GRIPAP1: variants seen among roughly 807,000 people sequenced by gnomAD.
The protein encoded by GRIPAP1 is GRIP1 associated protein 1.
A neutral mutation model predicts 84.1 loss-of-function variants in GRIPAP1; 14 were observed. The ratio of observed to expected loss-of-function variants is 0.17; its 90% CI spans 0.11 to 0.26. The LOEUF is 0.26. Ranked by LOEUF, GRIPAP1 falls within the 10% of genes least tolerant of loss-of-function variation. The pLI, the probability that GRIPAP1 is intolerant of heterozygous loss-of-function variation, is 1.00. For synonymous variants in GRIPAP1, 261 were observed against 256.8 expected, an observed-to-expected ratio of 1.02 and a Z score of -0.15; for missense variants, 518 against 674.2, an observed-to-expected ratio of 0.77 and a Z score of 2.57.
chrX:48,983,925 G>A (rs2064472278), intron 14 of GRIPAP1, 55 bp from the exon 15 acceptor site: 2 of 721,064 alleles, frequency 2.8e-6, no homozygotes, highest in East Asian at 3.2e-5. Flanking sequence ...GTAGGTGCTA[G>A]TCACCCAGGA....
chrX:48,982,214 T>C (rs1173685406), intron 17 of GRIPAP1, among the ~76,000 whole-genome samples: 1 of 112,141 alleles, frequency 8.9e-6, no homozygotes, highest in Non-Finnish European at 1.9e-5. Context: ...TTACCATTGA[T>C]GAAAACAGGC....
intron 13 of GRIPAP1, among the ~76,000 whole-genome samples, chrX:48,986,851 GTTTT>G (rs1188344950): frequency 9.2e-6 from 1 of 108,155 alleles, no homozygotes; most frequent in African/African-American, 3.4e-5. Flanking sequence ...TTTTCGTTTT[GTTTT>G]TTGTTTTTTT....
At chrX:48,978,541 A>C (rs1330840962) in intron 21 of GRIPAP1, 106 bp from the exon 22 acceptor site, 2 of 718,329 alleles carry the variant, frequency 2.8e-6, no homozygotes, top group Admixed American at 8.2e-5. Flanking sequence ...GGAAAGAGAG[A>C]CACCTGGGCA....
At chrX:48,998,510 G>A (rs2064559784) in intron 3 of GRIPAP1, among the ~76,000 whole-genome samples, 1 of 111,268 alleles carries the variant, frequency 9.0e-6, no homozygotes, top group African/African-American at 3.3e-5. Flanking sequence ...TGGATCTCCA[G>A]ACTCAGAAAC....
chrX:48,982,414 T>A (rs782431020), intron 17 of GRIPAP1, among the ~76,000 whole-genome samples: 51 of 112,722 alleles, frequency 4.5e-4, no homozygotes, highest in Non-Finnish European at 8.6e-4. Flanking sequence ...TCTCACTCCG[T>A]CACCCAGGCT....
In GRIPAP1 at chrX:48,990,747, G is replaced by A. The variant is rs1602475453; in HGVS notation, c.643-15C>T. ...TGCTTTGAGCTCTGCAGGGAAGGAT[G>A]AGGGATGGGAGGGTTGTTGTTAGCA... On this transcript the variant is annotated splice_polypyrimidine_tract_variant and intron_variant, in intron 7 of 25. Transcript: ENST00000376423. 1 of 1,189,851 alleles carries A rather than the reference G, an allele frequency of 8.4e-7. No homozygotes were observed. The highest frequency in any genetic ancestry group is 1.1e-6 in the Non-Finnish European group (1 of 878,519).
chrX:48,985,507 G>T, intron 13 of GRIPAP1, 105 bp from the exon 14 acceptor site: 1 of 643,400 alleles, frequency 1.6e-6, no homozygotes, highest in Non-Finnish European at 2.5e-6. Flanking sequence ...GAGGTGGGAA[G>T]AGAACCAGGA....
chrX:48,974,134 C>T lies in GRIPAP1; in HGVS notation c.*59G>A. ...CAGCCCTCATTTTTCCACCACAGCCCAAGGGAATAGCATCCTAGGGGGTAG... is the reference window on the plus strand; with the variant it reads ...CAGCCCTCATTTTTCCACCACAGCCTAAGGGAATAGCATCCTAGGGGGTAG... On this transcript the variant is annotated 3_prime_UTR_variant, in exon 26 of 26. Transcript: ENST00000376423. 1.2e-6 allele frequency: 1 copy of T among 817,461 alleles called. No homozygotes were observed. Among genetic ancestry groups the T allele is most frequent in the Non-Finnish European group, 1.8e-6 (1 of 550,202 alleles). The allele number at this position is 817,461 out of a possible 1,213,427, so 67.4% of individuals were successfully genotyped here. A position where few individuals can be genotyped will look rare whatever the true frequency, so the allele number is the denominator to read the frequency against.
At chrX:48,975,737 G>A in intron 24 of GRIPAP1, 1 of 368,998 alleles carries the variant, frequency 2.7e-6, no homozygotes, top group Non-Finnish European at 4.7e-6. Context: ...AGAGAAGGGA[G>A]AGAGAGAGGA....
At chrX:48,993,196 A>C (rs2064529488) in intron 6 of GRIPAP1, among the ~76,000 whole-genome samples, 1 of 113,135 alleles carries the variant, frequency 8.8e-6, no homozygotes, top group Non-Finnish European at 1.9e-5. Flanking sequence ...CTAATGCAGA[A>C]TGATATCACC....
rs2147736741 is a variant in GRIPAP1 at position 48,982,963 on chromosome X, G to T, written c.1599+16C>A. ...CCCAATCAGCCTCTGTTCCTCACCA[G>T]GCATCACCAACTCACCTCGGCTTCC... is the stretch of plus-strand genomic sequence containing the variant. On this transcript the variant is annotated intron_variant, in intron 17 of 25. Coordinates refer to ENST00000376423, the MANE Select transcript of GRIPAP1 (RefSeq NM_020137.5). 3 of 1,077,608 alleles carry T rather than the reference G, an allele frequency of 2.8e-6. No individual in the cohort carries two copies. In the East Asian group the frequency reaches 9.0e-5, roughly 32 times the overall value. The allele number at this position is 1,077,608 out of a possible 1,213,427, so 88.8% of individuals were successfully genotyped here. A position where few individuals can be genotyped will look rare whatever the true frequency, so the allele number is the denominator to read the frequency against.
At position 48,997,857 on chromosome X, in the gene GRIPAP1, G is replaced by C. The variant is rs45590140; in HGVS notation, c.198+297C>G. The C allele has an allele frequency of 2.9e-3, 1,101 of 378,945 alleles. 5 individuals are homozygous for C. Among genetic ancestry groups the C allele is most frequent in the Non-Finnish European group, 3.6e-3 (802 of 220,352 alleles). The allele number at this position is 378,945 out of a possible 1,213,427, so 31.2% of individuals were successfully genotyped here. A position where few individuals can be genotyped will look rare whatever the true frequency, so the allele number is the denominator to read the frequency against. ...AGAAATCACCGAGACAGGAACAGGA[G>C]GGGGAGAGACAAAGAGAAGATTGGG... On this transcript the variant is annotated intron_variant, in intron 4 of 25. Coordinates refer to ENST00000376423, the MANE Select transcript of GRIPAP1 (RefSeq NM_020137.5).
chrX:48,976,380 G>A lies in GRIPAP1; in HGVS notation c.2062-17C>T, dbSNP rs1317951702. ...GGATAAGGACTGCAGGAAAGAGAAGGGGAGAGGCCAGCCCCGGGCTCAGCA... is the reference window on the plus strand; with the variant it reads ...GGATAAGGACTGCAGGAAAGAGAAGAGGAGAGGCCAGCCCCGGGCTCAGCA... On this transcript the variant is annotated splice_polypyrimidine_tract_variant and intron_variant, in intron 22 of 25. Transcript: ENST00000376423. The A allele has an allele frequency of 8.4e-7, 1 of 1,193,364 alleles. No individual in the cohort carries two copies. The highest frequency in any genetic ancestry group is 1.9e-5 in the South Asian group (1 of 53,831).
At chrX:48,996,475 C>T (rs782504014) in intron 5 of GRIPAP1, among the ~76,000 whole-genome samples, 1 of 111,947 alleles carries the variant, frequency 8.9e-6, no homozygotes, top group South Asian at 3.7e-4. Context: ...TTTCTCTCAT[C>T]TCTACTAAAA....
chrX:48,979,085 C>T (rs1557061272), intron 21 of GRIPAP1, among the ~76,000 whole-genome samples: 1 of 109,761 alleles, frequency 9.1e-6, no homozygotes, highest in African/African-American at 3.3e-5. Context: ...GGGCACAGGG[C>T]ACATCCACTT....
intron 1 of GRIPAP1, among the ~76,000 whole-genome samples, chrX:49,000,094 G>T (rs2064569231): frequency 9.1e-6 from 1 of 110,264 alleles, no homozygotes; most frequent in Non-Finnish European, 1.9e-5. Context: ...GACCAGGTGC[G>T]GTGGCTCACA....
intron 8 of GRIPAP1, 125 bp from the exon 9 acceptor site, chrX:48,990,128 G>A (rs1331637797): frequency 1.8e-6 from 1 of 552,725 alleles, no homozygotes. Context: ...ATGTTGTCTT[G>A]TGGAATCCTC....
chrX:48,981,018 C>T lies in GRIPAP1; in HGVS notation c.1930+197G>A, dbSNP rs782325695. ...AAACAGAGAAGAGACAGGGCAAAAA[C>T]GAGAGAAAGATAGAAATAAAGAGAG... On this transcript the variant is annotated intron_variant, in intron 21 of 25. Coordinates refer to ENST00000376423, the MANE Select transcript of GRIPAP1 (RefSeq NM_020137.5). 1.6e-3 allele frequency among the ~76,000 whole-genome samples: 176 copies of T among 111,148 alleles called. 1 individual carries two copies. Among genetic ancestry groups the T allele is most frequent in the Middle Eastern group, 9.3e-3 (2 of 216 alleles).
In GRIPAP1 at chrX:48,987,826, C is replaced by T; in HGVS notation, c.1000G>A (p.Glu334Lys). ...AQEQVEGLLAENNALRTSLAA... is the reference protein window; with the variant it reads ...AQEQVEGLLAKNNALRTSLAA... ...AGGCTAGTCCTCAAGGCATTGTTCT[C>T]AGCCAAAAGCCCTTCCACTTGTTCC... The change falls in exon 13 of 26, where the codon GAG becomes AAG. Residue 334 changes from glutamate to lysine, a missense_variant. By Grantham distance (56) the Glu-to-Lys change is moderately conservative. Transcript: ENST00000376423. 1.7e-6 allele frequency: 2 copies of T among 1,205,693 alleles called. No homozygotes were observed. The highest frequency in any genetic ancestry group is 2.2e-6 in the Non-Finnish European group (2 of 891,353).
Sources: allele counts gnomAD v4.1 joint callset (sites outside exome capture counted in the v4.1 genomes callset), GRCh38; gene constraint gnomAD v4.1.1; transcripts MANE v1.5; gene names NCBI Gene and HGNC (gene_info 2026-07-23, HGNC 2026-07-21).